Variants in HIPK3 observed in about 807,000 individuals in gnomAD.
HIPK3 encodes the protein homeodomain interacting protein kinase 3.
HIPK3 carries 47 observed loss-of-function variants against 124.2 expected under a neutral mutation model. That is an observed-to-expected ratio of 0.38 (90% CI 0.30 to 0.48). HIPK3 has a LOEUF of 0.48. Ranked by LOEUF, HIPK3 falls within the 20% of genes least tolerant of loss-of-function variation. The pLI is 0.98. For synonymous variants in HIPK3, 482 were observed against 515.2 expected (o/e 0.94, Z 0.87); for missense variants, 1,286 against 1,454.3 (o/e 0.88, Z 1.88).
chr11:33,297,654 T>C (rs1435460638), intron 2 of HIPK3, among the ~76,000 whole-genome samples: 1 of 152,064 alleles, frequency 6.6e-6, no homozygotes, highest in African/African-American at 2.4e-5. Context: ...TTGGTAAAGG[T>C]GGCTACACTA....
At chr11:33,321,964 C>T (rs919296506) in intron 2 of HIPK3, among the ~76,000 whole-genome samples, 66 of 151,898 alleles carry the variant, frequency 4.3e-4, no homozygotes, top group Admixed American at 1.4e-3. Flanking sequence ...GTTTGTCTTC[C>T]CAGAGCTTTT....
intron 3 of HIPK3, 110 bp from the exon 4 acceptor site, chr11:33,336,965 G>C: frequency 1.5e-6 from 1 of 680,038 alleles, no homozygotes. Context: ...ATTTCTTGAG[G>C]GCATAGACTA....
At chr11:33,262,347 A>T (rs1299719996) in intron 1 of HIPK3, among the ~76,000 whole-genome samples, 1 of 152,180 alleles carries the variant, frequency 6.6e-6, no homozygotes, top group Non-Finnish European at 1.5e-5. Flanking sequence ...GATAGAATAG[A>T]TATTTGGAGG....
In HIPK3 at chr11:33,348,005, C is replaced by T; in HGVS notation, c.2298C>T (p.Cys766=). ...CCACTACCAAGAAAAATAAACAGTG[C>T]CAGAACAGGTTGGTATTGGTGCTTT... The part of the protein sequence containing the change: ...QPATTKKNKQ[C]QNRGILVKLM... The change falls in exon 11 of 17, where the codon TGC becomes TGT. Residue 766 remains cysteine, a synonymous_variant. Coordinates refer to ENST00000303296, the MANE Select transcript of HIPK3 (RefSeq NM_005734.5). 6.2e-7 allele frequency: 1 copy of T among 1,614,086 alleles called. No individual in the cohort carries two copies. The highest frequency in any genetic ancestry group is 8.5e-7 in the Non-Finnish European group (1 of 1,180,000).
At chr11:33,310,356 C>G (rs266455) in intron 2 of HIPK3, among the ~76,000 whole-genome samples, 1 of 151,740 alleles carries the variant, frequency 6.6e-6, no homozygotes. Flanking sequence ...CCCAGGCTGG[C>G]GTACAGTGGC....
intron 2 of HIPK3, among the ~76,000 whole-genome samples, chr11:33,303,592 A>T (rs1230869369): frequency 6.6e-6 from 1 of 152,214 alleles, no homozygotes; most frequent in African/African-American, 2.4e-5. Flanking sequence ...ATAGAATGTA[A>T]TGGTATCATG....
chr11:33,276,246 G>A (rs866566899), intron 1 of HIPK3, among the ~76,000 whole-genome samples: 1 of 152,210 alleles, frequency 6.6e-6, no homozygotes, highest in East Asian at 1.9e-4. Flanking sequence ...ATTGCATAAA[G>A]TAAAGACTGT....
intron 3 of HIPK3, 70 bp from the exon 4 acceptor site, chr11:33,337,005 C>G (rs1175926359): frequency 2.7e-6 from 3 of 1,112,384 alleles, no homozygotes; most frequent in Non-Finnish European, 3.9e-6. Flanking sequence ...TAACATATAG[C>G]CTAGTGTCTG....
At chr11:33,309,062 T>C (rs1245530706) in intron 2 of HIPK3, among the ~76,000 whole-genome samples, 1 of 152,128 alleles carries the variant, frequency 6.6e-6, no homozygotes, top group Non-Finnish European at 1.5e-5. Flanking sequence ...GAGTGAGCAG[T>C]TTGCAAACTA....
chr11:33,326,527 G>A (rs1006908709), intron 2 of HIPK3, among the ~76,000 whole-genome samples: 2 of 152,206 alleles, frequency 1.3e-5, no homozygotes, highest in African/African-American at 4.8e-5. Flanking sequence ...GATCCTCAGA[G>A]AAATAGCTGT....
intron 2 of HIPK3, among the ~76,000 whole-genome samples, chr11:33,312,091 C>T (rs1852367358): frequency 1.3e-5 from 2 of 152,156 alleles, no homozygotes; most frequent in African/African-American, 4.8e-5. Context: ...AACTCCTGGC[C>T]TCAAGCTATC....
intron 2 of HIPK3, among the ~76,000 whole-genome samples, chr11:33,308,936 CTT>C (rs1230964607): frequency 6.6e-6 from 1 of 151,372 alleles, no homozygotes; most frequent in Non-Finnish European, 1.5e-5. Context: ...AAAAATTCCT[CTT>C]CTCACCAATA....
At chr11:33,266,861 G>A (rs1342905413) in intron 1 of HIPK3, among the ~76,000 whole-genome samples, 3 of 152,098 alleles carry the variant, frequency 2.0e-5, no homozygotes, top group African/African-American at 7.2e-5. Context: ...TATAGTTGAA[G>A]TATCTTATAG....
rs1853547376 is a variant in HIPK3 at position 33,347,940 on chromosome 11, G to A, written c.2233G>A (p.Val745Ile). The change falls in exon 11 of 17, where the codon GTT (valine) becomes ATT (isoleucine). Residue 745 changes from valine (V) to isoleucine (I), a missense_variant. Transcript: ENST00000303296. ...NQITLSAPQP[V>I]SVGIAHVVWP... Reference sequence around the variant, plus strand: ...GATAACTTTATCTGCCCCTCAGCCAGTTAGTGTGGGGATTGCACATGTTGT... The same window carrying A: ...GATAACTTTATCTGCCCCTCAGCCAATTAGTGTGGGGATTGCACATGTTGT... 5.0e-6 allele frequency: 8 copies of A among 1,614,038 alleles called. No homozygotes were observed. Among genetic ancestry groups the A allele is most frequent in the African/African-American group, 1.3e-5 (1 of 74,930 alleles).
chr11:33,295,043 G>A (rs540010528), intron 2 of HIPK3, among the ~76,000 whole-genome samples: 7 of 151,918 alleles, frequency 4.6e-5, no homozygotes. Context: ...CCCCCCCAGC[G>A]ATAAACATAT....
intron 12 of HIPK3, 87 bp downstream of exon 12, chr11:33,348,315 G>A: frequency 7.9e-7 from 1 of 1,269,244 alleles, no homozygotes; most frequent in Non-Finnish European, 1.1e-6. Context: ...TTACCAAAAA[G>A]CAACTATTTA....
At chr11:33,272,354 G>A (rs978732909) in intron 1 of HIPK3, among the ~76,000 whole-genome samples, 13 of 151,544 alleles carry the variant, frequency 8.6e-5, no homozygotes, top group African/African-American at 3.2e-4. Flanking sequence ...AGCCGAGATC[G>A]CGCCACTACA....
At chr11:33,337,674 TTC>T (rs1853196955) in intron 4 of HIPK3, among the ~76,000 whole-genome samples, 1 of 150,214 alleles carries the variant, frequency 6.7e-6, no homozygotes, top group African/African-American at 2.5e-5. Flanking sequence ...CTCTCTCTCT[TTC>T]TCTTTTTCTT....
At chr11:33,302,915 G>T (rs1852048136) in intron 2 of HIPK3, among the ~76,000 whole-genome samples, 2 of 152,136 alleles carry the variant, frequency 1.3e-5, no homozygotes, top group African/African-American at 4.8e-5. Flanking sequence ...AGATGTTAAA[G>T]AATACTAGTT....
Sources: gnomAD v4.1 joint callset for allele counts (sites outside exome capture counted in the v4.1 genomes callset) on GRCh38, gnomAD v4.1.1 for gene constraint, MANE v1.5 for transcripts, NCBI Gene and HGNC (gene_info 2026-07-23, HGNC 2026-07-21) for gene names.